Variants in SH3GLB1 observed in about 807,000 individuals in gnomAD.
SH3GLB1 encodes endophilin-B1.
SH3GLB1 carries 17 observed loss-of-function variants against 42.0 expected under a neutral mutation model. The ratio of observed to expected loss-of-function variants is 0.40; its 90% CI spans 0.28 to 0.61. SH3GLB1 has a LOEUF of 0.61. Ranked by LOEUF, SH3GLB1 falls within the 20% of genes least tolerant of loss-of-function variation. The pLI is 0.36. For synonymous variants in SH3GLB1, 132 were observed against 146.6 expected, an observed-to-expected ratio of 0.90 and a Z score of 0.72; for missense variants, 355 against 426.3, an observed-to-expected ratio of 0.83 and a Z score of 1.47.
At position 86,724,914 on chromosome 1, in the gene SH3GLB1, A is replaced by ATATAT. The variant is rs1558315388; in HGVS notation, c.570+509_570+510insTATAT. Among the ~76,000 whole-genome samples, 42 of 119,926 alleles carry ATATAT rather than the reference A, an allele frequency of 3.5e-4. 1 individual carries two copies. The highest frequency in any genetic ancestry group is 1.6e-3 in the Admixed American group (19 of 11,958). 78.7% of individuals were successfully genotyped at this position (119,926 alleles called of 152,430 possible). A position where few individuals can be genotyped will look rare whatever the true frequency, so the allele number is the denominator to read the frequency against. On this transcript the variant is annotated intron_variant, in intron 5 of 8. Transcript: ENST00000370558. The stretch of plus-strand genomic sequence containing the variant: ...AAAAATATATATATATATATATATA[A>ATATAT]AATATATAATATATATGTGTGTGTA...
intron 7 of SH3GLB1, among the ~76,000 whole-genome samples, chr1:86,739,805 T>TG (rs753340235): frequency 1.3e-5 from 2 of 152,082 alleles, no homozygotes; most frequent in Non-Finnish European, 2.9e-5. Context: ...GATGAGATTT[T>TG]GTGCACATAT....
chr1:86,723,659 A>C (rs1218208604), intron 4 of SH3GLB1, among the ~76,000 whole-genome samples: 2 of 152,254 alleles, frequency 1.3e-5, no homozygotes, highest in Non-Finnish European at 2.9e-5. Context: ...AAGAATTCTA[A>C]GATACTATAC....
intron 7 of SH3GLB1, among the ~76,000 whole-genome samples, chr1:86,740,488 G>A (rs1210021921): frequency 6.6e-6 from 1 of 152,228 alleles, no homozygotes; most frequent in Non-Finnish European, 1.5e-5. Flanking sequence ...AGTGGCATAA[G>A]AAATGAGAGC....
At chr1:86,726,704 C>T (rs1655214704) in intron 5 of SH3GLB1, among the ~76,000 whole-genome samples, 3 of 151,924 alleles carry the variant, frequency 2.0e-5, no homozygotes, top group Admixed American at 2.0e-4. Context: ...ACACATTTTT[C>T]TTCAAACTTT....
At chr1:86,720,397 A>C (rs1030832259) in intron 3 of SH3GLB1, among the ~76,000 whole-genome samples, 3 of 152,152 alleles carry the variant, frequency 2.0e-5, no homozygotes, top group Non-Finnish European at 4.4e-5. Context: ...AACAATTGTT[A>C]TCTCTGGATA....
At chr1:86,716,076 A>G (rs1027373880) in intron 2 of SH3GLB1, among the ~76,000 whole-genome samples, 1 of 152,190 alleles carries the variant, frequency 6.6e-6, no homozygotes, top group Non-Finnish European at 1.5e-5. Flanking sequence ...AGTCTTTTAT[A>G]GAATCCTTGT....
At chr1:86,726,511 A>G (rs1224041741) in intron 5 of SH3GLB1, among the ~76,000 whole-genome samples, 1 of 146,608 alleles carries the variant, frequency 6.8e-6, no homozygotes, top group African/African-American at 2.6e-5. Context: ...ATGGGAATTT[A>G]TGTTTAAAGT....
intron 4 of SH3GLB1, among the ~76,000 whole-genome samples, chr1:86,723,922 G>A (rs1191225352): frequency 1.3e-5 from 2 of 152,170 alleles, no homozygotes; most frequent in Admixed American, 6.5e-5. Context: ...AGACTGTCTT[G>A]TGGAATGTTT....
rs1309775805 is a variant in SH3GLB1 at position 86,730,167 on chromosome 1, CA to C, written c.571-4434del. ...AACAAGAATTTAGTTGACGTTGATTCAGTAAATATGTATTGGGCAACAACCC... is the reference window on the plus strand; with the variant it reads ...AACAAGAATTTAGTTGACGTTGATTCGTAAATATGTATTGGGCAACAACCC... On this transcript the variant is annotated intron_variant, in intron 5 of 8. Coordinates refer to ENST00000370558, the MANE Select transcript of SH3GLB1 (RefSeq NM_016009.5). 107 of 1,551,494 alleles carry C rather than the reference CA, an allele frequency of 6.9e-5. No homozygotes were observed. The Middle Eastern group carries it at 4.9e-3, about 71-fold the overall frequency.
chr1:86,730,394 G>A (rs1027548698), intron 5 of SH3GLB1: 33 of 984,000 alleles, frequency 3.4e-5, no homozygotes, highest in Admixed American at 3.1e-4. Flanking sequence ...GAAGGCAGGC[G>A]AAATGCTTGT....
intron 5 of SH3GLB1, chr1:86,730,494 G>C (rs191817683): frequency 1.6e-6 from 1 of 636,578 alleles, no homozygotes; most frequent in African/African-American, 2.0e-5. Context: ...ATAATATTTC[G>C]CACAAATGAA....
intron 7 of SH3GLB1, among the ~76,000 whole-genome samples, chr1:86,741,350 G>A (rs999254550): frequency 2.0e-5 from 3 of 152,112 alleles, no homozygotes; most frequent in Admixed American, 6.5e-5. Context: ...CTTAGAAATG[G>A]TTGAATTAGA....
intron 3 of SH3GLB1, 41 bp downstream of exon 3, chr1:86,719,676 T>C (rs1558306429): frequency 1.3e-6 from 2 of 1,591,964 alleles, no homozygotes; most frequent in South Asian, 2.3e-5. Context: ...GATATCTTTA[T>C]GTTTAGATTT....
intron 5 of SH3GLB1, among the ~76,000 whole-genome samples, chr1:86,727,000 G>C (rs1655234723): frequency 6.6e-6 from 1 of 151,916 alleles, no homozygotes; most frequent in South Asian, 2.1e-4. Flanking sequence ...CTGCTAGTAA[G>C]GTTTGGGATC....
intron 1 of SH3GLB1, among the ~76,000 whole-genome samples, chr1:86,706,153 T>C (rs1653853523): frequency 6.6e-6 from 1 of 152,258 alleles, no homozygotes; most frequent in African/African-American, 2.4e-5. Flanking sequence ...CTTTTATATA[T>C]GTGAGGAAGC....
intron 1 of SH3GLB1, among the ~76,000 whole-genome samples, chr1:86,713,248 T>G: frequency 6.6e-6 from 1 of 151,900 alleles, no homozygotes; most frequent in East Asian, 1.9e-4. Context: ...CCTGGCTAAT[T>G]TTTTGGATTT....
chr1:86,735,255 T>C, intron 7 of SH3GLB1, 76 bp downstream of exon 7: 1 of 932,364 alleles, frequency 1.1e-6, no homozygotes. Context: ...GGATGAAGAT[T>C]AGAGCAATTA....
rs1570403082 is a variant in SH3GLB1, at chr1:86,707,939, C to T, written c.72+2968C>T. 3.3e-5 allele frequency among the ~76,000 whole-genome samples: 5 copies of T among 152,170 alleles called. No homozygotes were observed. The South Asian group carries it at 1.0e-3, about 32-fold the overall frequency. ...GGGATTACAGGTGTGAGCCACCACA[C>T]CAGTTGAGATTAGCGTTTGAATATT... is the stretch of plus-strand genomic sequence containing the variant. On this transcript the variant is annotated intron_variant, in intron 1 of 8. Transcript: ENST00000370558.
At chr1:86,735,532 T>A (rs1655740125) in intron 7 of SH3GLB1, among the ~76,000 whole-genome samples, 1 of 152,240 alleles carries the variant, frequency 6.6e-6, no homozygotes, top group African/African-American at 2.4e-5. Flanking sequence ...TTATACTTAT[T>A]CATTACTCAT....
Sources: allele counts gnomAD v4.1 joint callset (sites outside exome capture counted in the v4.1 genomes callset), GRCh38; gene constraint gnomAD v4.1.1; transcripts MANE v1.5; gene names NCBI Gene and HGNC (gene_info 2026-07-23, HGNC 2026-07-21).